Variants in POTEC observed in about 807,000 individuals in gnomAD.
POTEC encodes the protein POTE ankyrin domain family member C.
Under a neutral mutation model 62.0 loss-of-function variants are expected in POTEC, and 35 were observed. That is an observed-to-expected ratio of 0.56 (90% CI 0.43 to 0.75). The LOEUF is 0.75. POTEC is among the 30% of genes least tolerant of loss of function. The pLI, the probability that POTEC is intolerant of heterozygous loss-of-function variation, is 0.00. For missense variants in POTEC, 472 were observed against 655.9 expected (o/e 0.72, Z 3.06); for synonymous variants, 156 against 221.5 (o/e 0.70, Z 2.62).
At position 14,542,618 on chromosome 18, in the gene POTEC, C is replaced by G. The variant is rs532309805; in HGVS notation, c.521+8G>C. On this transcript the variant is annotated splice_region_variant and intron_variant, in intron 1 of 10. Transcript: ENST00000358970. ...TGTCCCGCCTCCTCCCATCCCAGGC[C>G]CAGTTACCTCTTTTGCTTGTCCCTC... 5.4e-5 allele frequency: 87 copies of G among 1,612,238 alleles called. No individual in the cohort carries two copies. In the African/African-American group the frequency reaches 8.4e-4, roughly 16 times the overall value.
chr18:14,526,643 G>C (rs1910444635), intron 6 of POTEC, among the ~76,000 whole-genome samples: 2 of 152,186 alleles, frequency 1.3e-5, no homozygotes, highest in Non-Finnish European at 2.9e-5. Flanking sequence ...CTGAAAGAGT[G>C]AAAGTATTTG....
intron 7 of POTEC, 113 bp downstream of exon 7, chr18:14,524,800 T>G: frequency 8.9e-7 from 1 of 1,120,306 alleles, no homozygotes; most frequent in East Asian, 3.1e-5. Context: ...AAAAAAAGAA[T>G]CTATTGATTC....
At chr18:14,513,897 C>T (rs538779791) in intron 9 of POTEC, 112 bp from the exon 10 acceptor site, 9 of 1,557,394 alleles carry the variant, frequency 5.8e-6, no homozygotes, top group East Asian at 4.5e-5. Flanking sequence ...CACATTAATC[C>T]AAGACAAGAC....
Position 14,543,050 on chromosome 18 carries a change from G to T in POTEC, c.97C>A (p.Pro33Thr), listed in dbSNP as rs745798628. 1.2e-6 allele frequency: 2 copies of T among 1,606,052 alleles called. No homozygotes were observed. Among genetic ancestry groups the T allele is most frequent in the South Asian group, 2.2e-5 (2 of 90,580 alleles). ...KMGKWFHHRF[P>T]CCKGSGKSNM... ...CTCTTGCCGCTCCCCTTGCAGCAGG[G>T]GAAGCGGTGGTGAAACCACTTGCCC... The change falls in exon 1 of 11, where the codon CCC becomes ACC. Residue 33 changes from proline to threonine, a missense_variant. This residue lies in a region of POTEC where 257 missense variants were observed against 250.7 expected (regional missense o/e 1.03). Transcript: ENST00000358970.
At chr18:14,519,265 A>T (rs1910247613) in intron 9 of POTEC, among the ~76,000 whole-genome samples, 1 of 152,214 alleles carries the variant, frequency 6.6e-6, no homozygotes, top group South Asian at 2.1e-4. Flanking sequence ...CAGGAAGGAC[A>T]TCAGTAGCCC....
intron 1 of POTEC, among the ~76,000 whole-genome samples, chr18:14,541,638 C>CA (rs1425563776): frequency 1.2e-4 from 18 of 152,172 alleles, no homozygotes; most frequent in East Asian, 3.9e-4. Flanking sequence ...GAGTCTGTCT[C>CA]AGAAAAATAA....
intron 4 of POTEC, among the ~76,000 whole-genome samples, chr18:14,534,046 G>C (rs1309775843): frequency 2.0e-5 from 3 of 148,340 alleles, no homozygotes; most frequent in Admixed American, 1.3e-4. Context: ...CTAGCATTAG[G>C]TATATCTCCC....
chr18:14,528,763 G>A (rs187607024), intron 6 of POTEC: 20 of 322,818 alleles, frequency 6.2e-5, no homozygotes, highest in Admixed American at 4.5e-4. Flanking sequence ...TAAATTTCCC[G>A]TGGCCCACAG....
chr18:14,518,201 G>T (rs1362952876), intron 9 of POTEC, among the ~76,000 whole-genome samples: 2 of 152,118 alleles, frequency 1.3e-5, no homozygotes, highest in South Asian at 2.1e-4. Context: ...TTTCTAGGCA[G>T]TGAGGATATT....
At position 14,528,976 on chromosome 18, in the gene POTEC, T is replaced by C. The variant is rs374071350; in HGVS notation, c.1126+1507A>G. 29 of 454,446 alleles carry C rather than the reference T, an allele frequency of 6.4e-5. No homozygotes were observed. The East Asian group carries it at 1.1e-3, about 17-fold the overall frequency. The allele number at this position is 454,446 out of a possible 1,614,324, so 28.2% of individuals were successfully genotyped here. A position where few individuals can be genotyped will look rare whatever the true frequency, so the allele number is the denominator to read the frequency against. On this transcript the variant is annotated intron_variant, in intron 6 of 10. Transcript: ENST00000358970. ...CTGCCAAACAGGCAACCTCATTAGA[T>C]GTTCTTCTGGCAAACACACAATCTT... is the stretch of plus-strand genomic sequence containing the variant.
At chr18:14,542,586 C>T (rs772076212) in intron 1 of POTEC, 40 bp downstream of exon 1, 24 of 1,611,182 alleles carry the variant, frequency 1.5e-5, no homozygotes, top group Non-Finnish European at 1.9e-5. Context: ...TCCCCATCAT[C>T]CCCCCATGTC....
At chr18:14,516,298 T>TTATATATATATATATATATATA (rs200611192) in intron 9 of POTEC, among the ~76,000 whole-genome samples, 2 of 25,114 alleles carry the variant, frequency 8.0e-5, no homozygotes, top group Non-Finnish European at 1.4e-4. Context: ...AAAGAAAATT[T>TTATATATATATATATATATATA]TATATATATA....
At chr18:14,521,640 T>A (rs1598478267) in intron 9 of POTEC, among the ~76,000 whole-genome samples, 1 of 152,284 alleles carries the variant, frequency 6.6e-6, no homozygotes, top group East Asian at 1.9e-4. Context: ...AAATTAATGT[T>A]CAAAATGTAT....
rs796761888 is a variant in POTEC at position 14,542,655 on chromosome 18, C to T, written c.492G>A (p.Thr164=). Residue 164 remains threonine, a synonymous_variant, in exon 1 of 11, where the codon ACG becomes ACA. Transcript: ENST00000358970. The part of the protein sequence containing the change: ...RKDLIVMLRD[T]DMNKRDKQKR... ...TTTGCTTGTCCCTCTTGTTCATGTC[C>T]GTGTCCCTGAGCATGACGATGAGAT... The T allele has an allele frequency of 1.2e-6, 2 of 1,612,648 alleles. No individual in the cohort carries two copies. The highest frequency in any genetic ancestry group is 2.7e-5 in the African/African-American group (2 of 74,814).
chr18:14,510,117 TTAATG>T lies in POTEC; in HGVS notation c.*1776_*1780del, dbSNP rs1399475074. ...CAGAGAGGTGTAAGTTAGCAGTTACTTAATGTAATCACCCCAGGATGGAGGGTCTG... is the reference window on the plus strand; with the variant it reads ...CAGAGAGGTGTAAGTTAGCAGTTACTTAATCACCCCAGGATGGAGGGTCTG... On this transcript the variant is annotated 3_prime_UTR_variant, in exon 11 of 11. Coordinates refer to ENST00000358970, the MANE Select transcript of POTEC (RefSeq NM_001137671.2). The T allele has an allele frequency of 5.9e-5, 9 of 151,354 alleles. No individual in the cohort carries two copies. The highest frequency in any genetic ancestry group is 2.2e-4 in the African/African-American group (9 of 41,050). The allele number at this position is 151,354 out of a possible 1,614,324, so 9.4% of individuals were successfully genotyped here.
Position 14,525,446 on chromosome 18 carries a change from C to T in POTEC, c.1127-463G>A, listed in dbSNP as rs568492219. Among the ~76,000 whole-genome samples the T allele has an allele frequency of 1.7e-3, 254 of 152,134 alleles. 1 individual carries two copies. Among genetic ancestry groups the T allele is most frequent in the African/African-American group, 5.4e-3 (225 of 41,530 alleles). On this transcript the variant is annotated intron_variant, in intron 6 of 10. Coordinates refer to ENST00000358970, the MANE Select transcript of POTEC (RefSeq NM_001137671.2). ...AGCCAGAGCCCACAGGTATGGGCTCCAGACATCCCAGAGAAAAGTTAAGAA... is the reference window on the plus strand; with the variant it reads ...AGCCAGAGCCCACAGGTATGGGCTCTAGACATCCCAGAGAAAAGTTAAGAA...
intron 7 of POTEC, among the ~76,000 whole-genome samples, chr18:14,524,657 G>A (rs1910391007): frequency 1.3e-5 from 2 of 151,914 alleles, no homozygotes; most frequent in African/African-American, 4.8e-5. Flanking sequence ...TAAAATAAGA[G>A]TATTTTAAAT....
At chr18:14,523,914 TA>T (rs1191301367) in intron 7 of POTEC, among the ~76,000 whole-genome samples, 1 of 152,156 alleles carries the variant, frequency 6.6e-6, no homozygotes, top group East Asian at 1.9e-4. Flanking sequence ...GAAAAGAGCG[TA>T]TCTCATGAAA....
rs1380191237 is a variant in POTEC at position 14,511,673 on chromosome 18, T to A, written c.*225A>T. On this transcript the variant is annotated 3_prime_UTR_variant, in exon 11 of 11. Coordinates refer to ENST00000358970, the MANE Select transcript of POTEC (RefSeq NM_001137671.2). ...CAGTCTACAATGACATGATTGAATT[T>A]CCATTTCCAGTGTTTCCTAGCTGTG... is the stretch of plus-strand genomic sequence containing the variant. The A allele has an allele frequency of 1.7e-6, 1 of 595,368 alleles. No individual in the cohort carries two copies. The highest frequency in any genetic ancestry group is 2.1e-5 in the African/African-American group (1 of 47,380). The allele number at this position is 595,368 out of a possible 1,614,324, so 36.9% of individuals were successfully genotyped here. A position where few individuals can be genotyped will look rare whatever the true frequency, so the allele number is the denominator to read the frequency against.
Sources: gnomAD v4.1 joint callset for allele counts (sites outside exome capture counted in the v4.1 genomes callset) on GRCh38, gnomAD v4.1.1 for gene constraint, gnomAD v4.1.1 regional missense constraint, MANE v1.5 for transcripts, NCBI Gene and HGNC (gene_info 2026-07-23, HGNC 2026-07-21) for gene names.